Variants in RMDN3 observed in about 807,000 individuals in gnomAD.
The protein encoded by RMDN3 is regulator of microtubule dynamics protein 3.
A neutral mutation model predicts 61.8 loss-of-function variants in RMDN3; 41 were observed. The ratio of observed to expected loss-of-function variants is 0.66; its 90% CI spans 0.52 to 0.86. The LOEUF (loss-of-function observed/expected upper bound fraction) is 0.86. Among genes scored for constraint, RMDN3 ranks in the 40% least tolerant of loss-of-function variants. The pLI, the probability that RMDN3 is intolerant of heterozygous loss-of-function variation, is 0.00. For missense variants in RMDN3, 557 were observed against 585.3 expected (o/e 0.95, Z 0.50); for synonymous variants, 247 against 232.0 (o/e 1.06, Z -0.59).
At chr15:40,741,401 A>G (rs556003074) in intron 6 of RMDN3, among the ~76,000 whole-genome samples, 1 of 152,234 alleles carries the variant, frequency 6.6e-6, no homozygotes, top group Admixed American at 6.5e-5. Flanking sequence ...CTCTAGGCCA[A>G]AACTCTTTCA....
In RMDN3 at chr15:40,752,064, A is replaced by C. The variant is rs1186987378; in HGVS notation, c.302T>G (p.Leu101Arg). 6.2e-7 allele frequency: 1 copy of C among 1,614,192 alleles called. No individual in the cohort carries two copies. ...LDRLDFVLTS[L>R]VALRREVEEL... ...CTCCACCTCCCGCCGCAGCGCCACA[A>C]GGCTGGTCAGCACAAAGTCCAGGCG... Residue 101 changes from leucine to arginine, a missense_variant, in exon 3 of 13, where the codon CTT (leucine) becomes CGT (arginine). Physicochemically the swap from Leu to Arg is moderately radical, Grantham distance 102. Coordinates refer to ENST00000338376, the MANE Select transcript of RMDN3 (RefSeq NM_018145.3).
Position 40,737,767 on chromosome 15 carries a change from A to C in RMDN3, c.1126-41T>G, listed in dbSNP as rs144155217. 61 of 1,592,552 alleles carry C rather than the reference A, an allele frequency of 3.8e-5. No homozygotes were observed. In the African/African-American group the frequency reaches 7.0e-4, roughly 18 times the overall value. On this transcript the variant is annotated intron_variant, in intron 9 of 12. Coordinates refer to ENST00000338376, the MANE Select transcript of RMDN3 (RefSeq NM_018145.3). ...CAAGGTGTGTATAAGAGGTTTTAAA[A>C]GGTTTTTTTTCTTTAAATCTTTGGG... is the stretch of plus-strand genomic sequence containing the variant.
rs553262858 is a variant in RMDN3, at chr15:40,741,620, A to ATTTTTTTTT, written c.911-1436_911-1428dup. ...ACTGGAGAAGACACTGCAACATAGG[A>ATTTTTTTTT]TTTTTTTTTTTTTTTTTTTTTTTTT... On this transcript the variant is annotated intron_variant, in intron 6 of 12. Transcript: ENST00000338376. Among the ~76,000 whole-genome samples, 89 of 71,728 alleles carry ATTTTTTTTT rather than the reference A, an allele frequency of 1.2e-3. 15 individuals are homozygous for ATTTTTTTTT. The highest frequency in any genetic ancestry group is 2.2e-3 in the African/African-American group (42 of 19,046). The allele number at this position is 71,728 out of a possible 152,430, so 47.1% of individuals were successfully genotyped here.
chr15:40,750,456 G>C (rs1160586343), intron 4 of RMDN3, among the ~76,000 whole-genome samples: 2 of 151,836 alleles, frequency 1.3e-5, no homozygotes, highest in African/African-American at 2.4e-5. Context: ...CTGAACTCAG[G>C]TGATCCGCCC....
In RMDN3 at chr15:40,738,679, C is replaced by T; in HGVS notation, c.972-103G>A. 1.8e-6 allele frequency: 2 copies of T among 1,092,404 alleles called. 1 individual carries two copies. Among genetic ancestry groups the T allele is most frequent in the South Asian group, 2.6e-5 (2 of 77,912 alleles). 67.7% of individuals were successfully genotyped at this position (1,092,404 alleles called of 1,614,324 possible). A position where few individuals can be genotyped will look rare whatever the true frequency, so the allele number is the denominator to read the frequency against. ...AGTTGCATTGTCCCCTATCCCTGTA[C>T]CCTCAACTAGAGCTGAAAATACCTA... On this transcript the variant is annotated intron_variant, in intron 7 of 12. Coordinates refer to ENST00000338376, the MANE Select transcript of RMDN3 (RefSeq NM_018145.3).
At chr15:40,741,102 A>C (rs868147491) in intron 6 of RMDN3, among the ~76,000 whole-genome samples, 1 of 152,146 alleles carries the variant, frequency 6.6e-6, no homozygotes, top group Non-Finnish European at 1.5e-5. Flanking sequence ...CAACGGATCC[A>C]ACACAATCAG....
intron 3 of RMDN3, 121 bp from the exon 4 acceptor site, chr15:40,751,690 T>C (rs946698080): frequency 6.9e-7 from 1 of 1,447,866 alleles, no homozygotes; most frequent in African/African-American, 1.4e-5. Flanking sequence ...GAGAAAATCC[T>C]AAGTCTCTAA....
chr15:40,746,825 T>A (rs767184976), intron 4 of RMDN3, among the ~76,000 whole-genome samples: 1 of 151,990 alleles, frequency 6.6e-6, no homozygotes, highest in Admixed American at 6.6e-5. Context: ...CTTTCCTAAC[T>A]GCACCTTTGT....
intron 6 of RMDN3, among the ~76,000 whole-genome samples, chr15:40,741,696 C>G (rs1383716125): frequency 7.6e-6 from 1 of 131,894 alleles, no homozygotes; most frequent in Non-Finnish European, 1.5e-5. Context: ...ATAGCACGAT[C>G]TAGGCTCACC....
chr15:40,743,990 C>G, intron 6 of RMDN3, 57 bp downstream of exon 6: 2 of 1,478,378 alleles, frequency 1.4e-6, no homozygotes, highest in Non-Finnish European at 1.8e-6. Context: ...GGCAGATGGG[C>G]CAGCCCCACC....
intron 2 of RMDN3, among the ~76,000 whole-genome samples, chr15:40,753,464 G>T (rs530047745): frequency 6.6e-6 from 1 of 152,104 alleles, no homozygotes; most frequent in East Asian, 1.9e-4. Context: ...AGTGAGCCAA[G>T]ATCATGCCAC....
chr15:40,749,192 C>A (rs527539145), intron 4 of RMDN3, among the ~76,000 whole-genome samples: 3 of 152,212 alleles, frequency 2.0e-5, no homozygotes, highest in African/African-American at 4.8e-5. Context: ...CCTGAGCCAC[C>A]GCGCCTGGCC....
intron 12 of RMDN3, 62 bp from the exon 13 acceptor site, chr15:40,736,656 G>GGAACCTAAGAA: frequency 6.8e-7 from 1 of 1,479,172 alleles, no homozygotes. Context: ...CCAAACCAGT[G>GGAACCTAAGAA]GAACCTAAGA....
Position 40,738,695 on chromosome 15 carries a change from A to T in RMDN3, c.972-119T>A, listed in dbSNP as rs111536985. On this transcript the variant is annotated intron_variant, in intron 7 of 12. Coordinates refer to ENST00000338376, the MANE Select transcript of RMDN3 (RefSeq NM_018145.3). ...ATCCCTGTACCCTCAACTAGAGCTG[A>T]AAATACCTAATTTTCATCTGTACGT... The T allele has an allele frequency of 8.3e-5, 76 of 910,674 alleles. 1 individual carries two copies. In the African/African-American group the frequency reaches 8.6e-4, roughly 10 times the overall value. 56.4% of individuals were successfully genotyped at this position (910,674 alleles called of 1,614,324 possible). A position where few individuals can be genotyped will look rare whatever the true frequency, so the allele number is the denominator to read the frequency against.
Position 40,745,063 on chromosome 15 carries a change from G to C in RMDN3, c.721C>G (p.Leu241Val). 6.2e-7 allele frequency: 1 copy of C among 1,614,084 alleles called. No homozygotes were observed. The highest frequency in any genetic ancestry group is 8.5e-7 in the Non-Finnish European group (1 of 1,179,974). Residue 241 changes from leucine (L) to valine (V), a missense_variant, in exon 5 of 13, where the codon CTC (leucine) becomes GTC (valine). Leu to Val is a conservative substitution (Grantham distance 32, BLOSUM62 1). Transcript: ENST00000338376. Reference sequence around the variant, plus strand: ...TGCAGCTCGTCGGCCTGCTGCAGGAGGGGCAGCACATCCTCCAAGCCTGAG... The same window carrying C: ...TGCAGCTCGTCGGCCTGCTGCAGGACGGGCAGCACATCCTCCAAGCCTGAG... ...GSSGLEDVLP[L>V]LQQADELHRG...
At position 40,754,610 on chromosome 15, in the gene RMDN3, A is replaced by T; in HGVS notation, c.174T>A (p.Asp58Glu). 6.2e-7 allele frequency: 1 copy of T among 1,612,690 alleles called. No homozygotes were observed. Residue 58 changes from aspartate to glutamate, a missense_variant, in exon 2 of 13, where the codon GAT becomes GAA. Asp to Glu is a conservative substitution (Grantham distance 45). Transcript: ENST00000338376. ...ACGGGCTCCTACCGTGGCGTCCGGG[A>T]TCTGAAGTCTGCGTATAGTCCAGGG... ...PNSLDYTQTSDPGRHVMLLRA... is the reference protein window; with the variant it reads ...PNSLDYTQTSEPGRHVMLLRA...
chr15:40,737,717 G>C lies in RMDN3; in HGVS notation c.1135C>G (p.Leu379Val). 6.2e-7 allele frequency: 1 copy of C among 1,613,990 alleles called. No individual in the cohort carries two copies. Among genetic ancestry groups the C allele is most frequent in the Non-Finnish European group, 8.5e-7 (1 of 1,179,966 alleles). ...LGRWCYQVSH[L>V]SWLEKKTATA... ...GCAGTTTTTTTTTCTAGCCAGCTCA[G>C]GTGAGAGACCTGCCACAAAAAGATC... is the stretch of plus-strand genomic sequence containing the variant. The change falls in exon 10 of 13, where the codon CTG (leucine) becomes GTG (valine). Residue 379 changes from leucine (L) to valine (V), a missense_variant. Leu to Val is a conservative substitution (Grantham distance 32). Coordinates refer to ENST00000338376, the MANE Select transcript of RMDN3 (RefSeq NM_018145.3).
intron 8 of RMDN3, 144 bp downstream of exon 8, chr15:40,738,357 G>C (rs145118668): frequency 1.3e-6 from 1 of 762,760 alleles, no homozygotes; most frequent in African/African-American, 1.8e-5. Flanking sequence ...ACTCCAGCTT[G>C]GGCGATAGAG....
intron 4 of RMDN3, among the ~76,000 whole-genome samples, chr15:40,748,752 A>G (rs1031671282): frequency 6.6e-6 from 1 of 152,008 alleles, no homozygotes; most frequent in Non-Finnish European, 1.5e-5. Context: ...GGCATGCACC[A>G]CCACGCCCAG....
Sources: gnomAD v4.1 joint callset for allele counts (sites outside exome capture counted in the v4.1 genomes callset) on GRCh38, gnomAD v4.1.1 for gene constraint, MANE v1.5 for transcripts, NCBI Gene and HGNC (gene_info 2026-07-23, HGNC 2026-07-21) for gene names.